The following PPP2R1B variants were observed in gnomAD, a reference collection of about 807,000 sequenced individuals.
PPP2R1B encodes serine/threonine-protein phosphatase 2A 65 kDa regulatory subunit A beta isoform.
PPP2R1B carries 58 observed loss-of-function variants against 72.7 expected under a neutral mutation model. The observed-to-expected ratio is 0.80, with a 90% CI of 0.65 to 0.99. The LOEUF is 0.99. PPP2R1B is among the 50% of genes least tolerant of loss of function. The pLI, the probability that PPP2R1B is intolerant of heterozygous loss-of-function variation, is 0.00. For synonymous variants in PPP2R1B, 256 were observed against 264.6 expected (o/e 0.97, Z 0.32); for missense variants, 695 against 733.6 (o/e 0.95, Z 0.61).
At chr11:111,751,717 C>A (rs1358801215) in intron 10 of PPP2R1B, among the ~76,000 whole-genome samples, 2 of 152,232 alleles carry the variant, frequency 1.3e-5, no homozygotes, top group Admixed American at 6.5e-5. Flanking sequence ...GTGGCTCACG[C>A]CTGGAATCCC....
At chr11:111,721,227 C>T in the PPP2R1B span, among the ~76,000 whole-genome samples, 4 of 152,184 alleles carry the variant, frequency 2.6e-5, no homozygotes, top group African/African-American at 4.8e-5. Context: ...CTGCCACTGA[C>T]GGGTTCAACC....
Position 111,755,582 on chromosome 11 carries a change from ATCTTTT to A in PPP2R1B, c.688-138_688-133del, listed in dbSNP as rs1234716585. 27 of 761,900 alleles carry A rather than the reference ATCTTTT, an allele frequency of 3.5e-5. No individual in the cohort carries two copies. The South Asian group carries it at 4.3e-4, about 12-fold the overall frequency. 47.2% of individuals were successfully genotyped at this position (761,900 alleles called of 1,614,324 possible). A position where few individuals can be genotyped will look rare whatever the true frequency, so the allele number is the denominator to read the frequency against. ...ACCTTATATAGTTTCACGTCTTGAC[ATCTTTT>A]TCTTTTTTTTTTTTTTTTTGAGGCA... On this transcript the variant is annotated intron_variant, in intron 5 of 14. Coordinates refer to ENST00000527614, the MANE Select transcript of PPP2R1B (RefSeq NM_002716.5).
At chr11:111,730,604 T>C (rs535700190) in intron 15 of PPP2R1B, 1 of 152,274 alleles carries the variant, frequency 6.6e-6, no homozygotes, top group South Asian at 2.1e-4. Flanking sequence ...TTTTTTTTAA[T>C]TACTAAGAAA....
chr11:111,747,181 G>T lies in PPP2R1B; in HGVS notation c.1399+773C>A, dbSNP rs187250132. The stretch of plus-strand genomic sequence containing the variant: ...GACAATGTCACATGACCCCATAGGG[G>T]CACTCACACTCATCGAAACAGGTCT... On this transcript the variant is annotated intron_variant, in intron 11 of 14. Transcript: ENST00000527614. Among the ~76,000 whole-genome samples the T allele has an allele frequency of 3.4e-3, 522 of 152,278 alleles. 9 individuals are homozygous for T. Among genetic ancestry groups the T allele is most frequent in the Non-Finnish European group, 5.9e-4 (40 of 68,028 alleles).
chr11:111,742,165 C>A (rs377072664), intron 13 of PPP2R1B, 21 bp from the exon 14 acceptor site: 2 of 1,575,920 alleles, frequency 1.3e-6, no homozygotes, highest in Non-Finnish European at 1.7e-6. Flanking sequence ...AAAGTATTAT[C>A]TGTGAAAGAC....
At position 111,761,013 on chromosome 11, in the gene PPP2R1B, AAC is replaced by A. The variant is rs528568533; in HGVS notation, c.343_344del (p.Val115CysfsTer3). 6.2e-4 allele frequency: 997 copies of A among 1,614,210 alleles called. 1 individual carries two copies. The highest frequency in any genetic ancestry group is 8.1e-4 in the Non-Finnish European group (955 of 1,180,028). Reference sequence around the variant, plus strand: ...GGGACTCCACAGCCTTGTCACGAACAACAGTCTCTTCCACAGTTGCCAGATTT... The same window carrying A: ...GGGACTCCACAGCCTTGTCACGAACAAGTCTCTTCCACAGTTGCCAGATTT... The part of the protein sequence containing the change: ...LENLATVEET[V>X]VRDKAVESLR... On this transcript the variant is annotated frameshift_variant, in exon 4 of 15. Coordinates refer to ENST00000527614, the MANE Select transcript of PPP2R1B (RefSeq NM_002716.5). LOFTEE classifies it high-confidence loss of function.
chr11:111,709,218 A>C, the PPP2R1B span, among the ~76,000 whole-genome samples: 1 of 152,222 alleles, frequency 6.6e-6, no homozygotes, highest in South Asian at 2.1e-4. Context: ...TCTCTGCGCA[A>C]GTGTGGAGAG....
chr11:111,719,813 G>C, the PPP2R1B span: 1 of 1,614,034 alleles, frequency 6.2e-7, no homozygotes. Flanking sequence ...CTCCTGTCCT[G>C]GTGCGGAAGG....
At chr11:111,702,800 T>TG in the PPP2R1B span, among the ~76,000 whole-genome samples, 2 of 152,214 alleles carry the variant, frequency 1.3e-5, no homozygotes, top group Non-Finnish European at 2.9e-5. Context: ...AGCAGCCCGT[T>TG]GGAGAGCTCT....
the PPP2R1B span, among the ~76,000 whole-genome samples, chr11:111,698,558 A>G: frequency 1.3e-5 from 2 of 152,222 alleles, no homozygotes; most frequent in African/African-American, 4.8e-5. Flanking sequence ...CCTGGGAAAC[A>G]TGGCAAATCC....
intron 5 of PPP2R1B, among the ~76,000 whole-genome samples, chr11:111,756,676 G>A (rs1431214490): frequency 6.6e-6 from 1 of 152,210 alleles, no homozygotes; most frequent in African/African-American, 2.4e-5. Flanking sequence ...GAAGATCAAG[G>A]ACAGAATAAC....
intron 2 of PPP2R1B, among the ~76,000 whole-genome samples, 165 bp downstream of exon 2, chr11:111,765,129 T>C (rs556053129): frequency 1.9e-4 from 29 of 152,340 alleles, no homozygotes; most frequent in African/African-American, 7.0e-4. Flanking sequence ...ATGGTTGATG[T>C]TTGAATATAT....
chr11:111,766,342 A>T lies in PPP2R1B; in HGVS notation c.20T>A (p.Leu7His), dbSNP rs150717048. 4 of 1,490,422 alleles carry T rather than the reference A, an allele frequency of 2.7e-6. No individual in the cohort carries two copies. The East Asian group carries it at 9.6e-5, about 36-fold the overall frequency. The allele number at this position is 1,490,422 out of a possible 1,614,324, so 92.3% of individuals were successfully genotyped here. A position where few individuals can be genotyped will look rare whatever the true frequency, so the allele number is the denominator to read the frequency against. The change falls in exon 1 of 15, where the codon CTC becomes CAC. Residue 7 changes from leucine to histidine, a missense_variant. Coordinates refer to ENST00000527614, the MANE Select transcript of PPP2R1B (RefSeq NM_002716.5). ...ACCCGCTGCTCCTGGGCCGGTCCCG[A>T]GCTCTGATGCGCCCGCCATGTTCTT... MAGASELGTGPGAAGGD... is the reference protein window; with the variant it reads MAGASEHGTGPGAAGGD...
intron 8 of PPP2R1B, 22 bp from the exon 9 acceptor site, chr11:111,753,599 A>T: frequency 6.3e-7 from 1 of 1,591,740 alleles, no homozygotes; most frequent in Non-Finnish European, 8.6e-7. Context: ...TCGAAATTAA[A>T]AGCCTTTATT....
At chr11:111,754,115 C>T (rs1297911102) in intron 8 of PPP2R1B, among the ~76,000 whole-genome samples, 1 of 151,906 alleles carries the variant, frequency 6.6e-6, no homozygotes. Flanking sequence ...TGGGGTCTCA[C>T]TATGTTGCCC....
At chr11:111,724,868 A>G (rs1210079831), downstream of PPP2R1B, 2 of 152,300 alleles carry the variant, frequency 1.3e-5, no homozygotes, top group Non-Finnish European at 2.9e-5. Context: ...TGGAACTGAC[A>G]GGAGACCCGC....
At chr11:111,704,798 T>G in the PPP2R1B span, among the ~76,000 whole-genome samples, 2 of 152,208 alleles carry the variant, frequency 1.3e-5, no homozygotes, top group African/African-American at 4.8e-5. Context: ...CTTTATATAA[T>G]TAATACTAGA....
At chr11:111,736,260 C>T (rs1288680007), downstream of PPP2R1B, among the ~76,000 whole-genome samples, 1 of 152,112 alleles carries the variant, frequency 6.6e-6, no homozygotes. Context: ...AGAGGCAGCC[C>T]GGGCCCTGTC....
the PPP2R1B span, chr11:111,701,684 G>T: frequency 7.2e-7 from 1 of 1,384,466 alleles, no homozygotes; most frequent in East Asian, 2.4e-5. This position sits in a 1 kb window ranked among gnomAD's most constrained non-coding sequence, Gnocchi z 4.2. Context: ...CAAATAAAGT[G>T]ACTGAGCTGT....
Sources: gnomAD v4.1 joint callset for allele counts (sites outside exome capture counted in the v4.1 genomes callset) on GRCh38, gnomAD v4.1.1 for gene constraint, Gnocchi (gnomAD v3.1) non-coding constraint, MANE v1.5 for transcripts, NCBI Gene and HGNC (gene_info 2026-07-23, HGNC 2026-07-21) for gene names.